Variants in DIAPH2 observed in about 807,000 individuals in gnomAD.
DIAPH2 encodes protein diaphanous homolog 2.
A neutral mutation model predicts 92.7 loss-of-function variants in DIAPH2; 35 were observed. The ratio of observed to expected loss-of-function variants is 0.38; its 90% CI spans 0.29 to 0.50. The LOEUF (loss-of-function observed/expected upper bound fraction) is 0.50, where lower values mean the gene tolerates loss of function less well. Among genes scored for constraint, DIAPH2 ranks in the 20% least tolerant of loss-of-function variants. The pLI is 0.94. For missense variants in DIAPH2, 701 were observed against 819.5 expected (o/e 0.86, Z 1.77); for synonymous variants, 301 against 280.4 (o/e 1.07, Z -0.73).
At chrX:97,297,162 A>G (rs1164998914) in intron 23 of DIAPH2, among the ~76,000 whole-genome samples, 3 of 92,900 alleles carry the variant, frequency 3.2e-5, no homozygotes, top group Admixed American at 2.8e-4. Flanking sequence ...CCTTGGCCTC[A>G]TTAGCACTAT....
At chrX:96,936,844 G>T (rs755644548) in intron 10 of DIAPH2, among the ~76,000 whole-genome samples, 3 of 112,008 alleles carry the variant, frequency 2.7e-5, no homozygotes, top group East Asian at 5.6e-4. Flanking sequence ...CAATTGATTT[G>T]TATTTGCATT....
intron 26 of DIAPH2, among the ~76,000 whole-genome samples, chrX:97,492,353 C>T (rs1026312421): frequency 9.0e-6 from 1 of 111,100 alleles, no homozygotes; most frequent in African/African-American, 3.3e-5. Context: ...GAGAATCAGC[C>T]GAGGCTGCAG....
chrX:97,485,216 A>G (rs1377683049), intron 26 of DIAPH2, among the ~76,000 whole-genome samples: 4 of 111,832 alleles, frequency 3.6e-5, no homozygotes, highest in African/African-American at 9.8e-5. Flanking sequence ...AAATAATACC[A>G]CGTCTAAACT....
At chrX:97,597,687 A>G (rs2071562858) in intron 26 of DIAPH2, among the ~76,000 whole-genome samples, 1 of 112,022 alleles carries the variant, frequency 8.9e-6, no homozygotes, top group Non-Finnish European at 1.9e-5. Context: ...ATGTTTTCTA[A>G]GAAGTAGAAA....
At chrX:97,255,176 G>C in intron 23 of DIAPH2, among the ~76,000 whole-genome samples, 1 of 111,491 alleles carries the variant, frequency 9.0e-6, no homozygotes, top group Middle Eastern at 4.6e-3. Context: ...GGTTAGACCT[G>C]TTTGAAAATC....
At chrX:96,961,903 T>G (rs1187878434) in intron 16 of DIAPH2, among the ~76,000 whole-genome samples, 2 of 110,252 alleles carry the variant, frequency 1.8e-5, no homozygotes, top group Non-Finnish European at 3.8e-5. Context: ...TGATTTTGAT[T>G]TTTAAAAATT....
rs758666786 is a variant in DIAPH2 at position 97,045,848 on chromosome X, A to ATT, written c.2051-27071_2051-27070dup. ...GGGTATGGTATTAGGGTATTTTAGG[A>ATT]TTTTTTTTTTTTTTTTTTTTTTTGA... On this transcript the variant is annotated intron_variant, in intron 17 of 26. Coordinates refer to ENST00000324765, the MANE Select transcript of DIAPH2 (RefSeq NM_006729.5). 5.5e-3 allele frequency among the ~76,000 whole-genome samples: 351 copies of ATT among 64,390 alleles called. 7 individuals carry two copies. Among genetic ancestry groups the ATT allele is most frequent in the African/African-American group, 0.018 (305 of 16,618 alleles). The allele number at this position is 64,390 out of a possible 115,157, so 55.9% of individuals were successfully genotyped here.
At chrX:97,338,504 T>C (rs1463176714) in intron 23 of DIAPH2, among the ~76,000 whole-genome samples, 1 of 112,276 alleles carries the variant, frequency 8.9e-6, no homozygotes, top group African/African-American at 3.2e-5. Flanking sequence ...CTGTCTATAT[T>C]TTAATAGATT....
At chrX:97,168,690 A>G (rs935964527) in intron 22 of DIAPH2, among the ~76,000 whole-genome samples, 5 of 111,925 alleles carry the variant, frequency 4.5e-5, no homozygotes, top group Admixed American at 9.5e-5. Context: ...ACAGAATACT[A>G]TAGACTGGGT....
At chrX:96,686,737 A>G (rs17333667) in intron 1 of DIAPH2, among the ~76,000 whole-genome samples, 12,241 of 111,710 alleles carry the variant, frequency 0.11, 581 homozygotes, top group East Asian at 0.32. Context: ...CAAATTTAGG[A>G]AGACATTGTG....
At position 97,147,012 on chromosome X, in the gene DIAPH2, T is replaced by A. The variant is rs990510727; in HGVS notation, c.2719+5218T>A. On this transcript the variant is annotated intron_variant, in intron 22 of 26. Coordinates refer to ENST00000324765, the MANE Select transcript of DIAPH2 (RefSeq NM_006729.5). ...TGGGTTAAGTTTACGTATTTATTTA[T>A]TTAGTTTGTTATTCAGTTAGTTAGT... 7.2e-5 allele frequency among the ~76,000 whole-genome samples: 8 copies of A among 110,675 alleles called. No individual in the cohort carries two copies. The East Asian group carries it at 2.0e-3, about 27-fold the overall frequency.
At chrX:96,967,619 G>A (rs1011644416) in intron 17 of DIAPH2, among the ~76,000 whole-genome samples, 1 of 110,103 alleles carries the variant, frequency 9.1e-6, no homozygotes, top group Non-Finnish European at 1.9e-5. Flanking sequence ...GTTTCACCTT[G>A]TTGGCCAGGC....
At position 97,194,578 on chromosome X, in the gene DIAPH2, C is replaced by T. The variant is rs1390267515; in HGVS notation, c.2719+52784C>T. On this transcript the variant is annotated intron_variant, in intron 22 of 26. Coordinates refer to ENST00000324765, the MANE Select transcript of DIAPH2 (RefSeq NM_006729.5). ...GGATTACAGGCGTGAACCACTGCAC[C>T]CGGCCCCTAGAAATATTTTCAAATT... Among the ~76,000 whole-genome samples the T allele has an allele frequency of 3.6e-5, 4 of 111,529 alleles. No individual in the cohort carries two copies. In the East Asian group the frequency reaches 1.1e-3, roughly 31 times the overall value.
intron 1 of DIAPH2, among the ~76,000 whole-genome samples, chrX:96,687,348 A>G (rs6620132): frequency 0.23 from 25,537 of 111,450 alleles, 2,214 homozygotes; most frequent in East Asian, 0.33. Flanking sequence ...CTCCAGTATA[A>G]TGGATTCATA....
chrX:96,795,911 T>G (rs1474402335), intron 4 of DIAPH2, among the ~76,000 whole-genome samples: 1 of 111,706 alleles, frequency 9.0e-6, no homozygotes, highest in Non-Finnish European at 1.9e-5. Flanking sequence ...TTGATATGGT[T>G]AATGCATTTA....
intron 17 of DIAPH2, among the ~76,000 whole-genome samples, chrX:96,973,725 C>T (rs369393422): frequency 1.7e-4 from 12 of 70,311 alleles, no homozygotes; most frequent in East Asian, 5.0e-4. Flanking sequence ...GATAGAGTTT[C>T]GCTCTTGTTG....
chrX:97,266,215 C>T (rs747891587), intron 23 of DIAPH2, among the ~76,000 whole-genome samples: 51 of 111,783 alleles, frequency 4.6e-4, no homozygotes, highest in South Asian at 2.2e-3. Flanking sequence ...GATCTAATGG[C>T]GAATAAGTCA....
intron 22 of DIAPH2, among the ~76,000 whole-genome samples, chrX:97,169,554 G>C (rs1205399473): frequency 1.8e-5 from 2 of 111,551 alleles, no homozygotes; most frequent in Non-Finnish European, 3.8e-5. Context: ...CCAAATTCTT[G>C]ATATATTTTG....
At chrX:96,931,627 A>G (rs1241955069) in intron 10 of DIAPH2, among the ~76,000 whole-genome samples, 2 of 110,149 alleles carry the variant, frequency 1.8e-5, no homozygotes, top group East Asian at 5.7e-4. Flanking sequence ...AACAACAACA[A>G]ATGTCATTGA....
Sources: gnomAD v4.1 joint callset for allele counts (sites outside exome capture counted in the v4.1 genomes callset) on GRCh38, gnomAD v4.1.1 for gene constraint, MANE v1.5 for transcripts, NCBI Gene and HGNC (gene_info 2026-07-23, HGNC 2026-07-21) for gene names.